The following MACROD2 variants were observed in gnomAD, a reference collection of about 807,000 sequenced individuals.
MACROD2 encodes mono-ADP ribosylhydrolase 2.
In MACROD2, 36 loss-of-function variants were observed where a neutral mutation model predicts 70.4. The observed-to-expected ratio is 0.51, with a 90% confidence interval of 0.39 to 0.68. The LOEUF is 0.68. Ranked by LOEUF, MACROD2 falls within the 30% of genes least tolerant of loss-of-function variation. The probability of loss-of-function intolerance (pLI) is 0.00; values close to 1 mark genes in which losing one functional copy is unlikely to be tolerated. For missense variants in MACROD2, 496 were observed against 538.4 expected (o/e 0.92, Z 0.78); for synonymous variants, 172 against 178.8 (o/e 0.96, Z 0.30).
At chr20:14,299,588 T>C (rs1472548334) in intron 3 of MACROD2, among the ~76,000 whole-genome samples, 2 of 152,118 alleles carry the variant, frequency 1.3e-5, no homozygotes, top group East Asian at 3.9e-4. Flanking sequence ...AAAGCAGTGG[T>C]AGGGTTTGAG....
rs572720042 is a variant in MACROD2 at position 15,870,734 on chromosome 20, G to T, written c.727+7908G>T. On this transcript the variant is annotated intron_variant, in intron 9 of 17. Coordinates refer to ENST00000684519, the MANE Select transcript of MACROD2 (RefSeq NM_001351661.2). ...CTGTTCATTACGTATTACCTAGTCT[G>T]GGGTAGTCTGTAGCAGCACAAAACA... Among the ~76,000 whole-genome samples the T allele has an allele frequency of 2.9e-4, 44 of 152,260 alleles. No homozygotes were observed. In the South Asian group the frequency reaches 5.4e-3, roughly 19 times the overall value.
At chr20:14,855,232 A>T (rs867514525) in intron 5 of MACROD2, among the ~76,000 whole-genome samples, 5 of 152,254 alleles carry the variant, frequency 3.3e-5, no homozygotes, top group Middle Eastern at 3.4e-3. Context: ...GAACTGCAAG[A>T]TTTTACAGCA....
intron 15 of MACROD2, among the ~76,000 whole-genome samples, chr20:16,019,732 ATGAC>A (rs1315574619): frequency 6.6e-6 from 1 of 152,210 alleles, no homozygotes; most frequent in Non-Finnish European, 1.5e-5. Flanking sequence ...AACTGGCTGA[ATGAC>A]AGGCTGTGAG....
intron 3 of MACROD2, among the ~76,000 whole-genome samples, chr20:14,452,947 C>T (rs573914251): frequency 2.0e-5 from 3 of 152,128 alleles, no homozygotes; most frequent in Non-Finnish European, 4.4e-5. Flanking sequence ...TTGCTGCAAT[C>T]TCCTGCAGCA....
chr20:16,039,050 C>T (rs1476040904), intron 15 of MACROD2, among the ~76,000 whole-genome samples: 1 of 151,854 alleles, frequency 6.6e-6, no homozygotes, highest in African/African-American at 2.4e-5. Context: ...AGTTTTGCTC[C>T]CTGCCCCTAG....
chr20:15,915,075 T>C (rs2065293881), intron 10 of MACROD2, among the ~76,000 whole-genome samples: 1 of 152,216 alleles, frequency 6.6e-6, no homozygotes, highest in Admixed American at 6.5e-5. Context: ...TGTCAGTGCA[T>C]TCATCAACAT....
intron 5 of MACROD2, among the ~76,000 whole-genome samples, chr20:15,133,805 C>T (rs2076124380): frequency 6.6e-6 from 1 of 150,732 alleles, no homozygotes; most frequent in South Asian, 2.1e-4. Context: ...TTAAATAACA[C>T]AATATGATGA....
chr20:15,531,053 TA>T, intron 8 of MACROD2, among the ~76,000 whole-genome samples: 1 of 151,412 alleles, frequency 6.6e-6, no homozygotes, highest in Non-Finnish European at 1.5e-5. Flanking sequence ...AGTTAAAGCT[TA>T]TAATTTTAAA....
intron 5 of MACROD2, among the ~76,000 whole-genome samples, chr20:14,946,040 T>C (rs1199190273): frequency 1.3e-5 from 2 of 152,102 alleles, no homozygotes; most frequent in Non-Finnish European, 2.9e-5. Context: ...AAACCCTGTC[T>C]CTACTAAAAT....
chr20:15,131,481 CAG>C (rs1442895560), intron 5 of MACROD2, among the ~76,000 whole-genome samples: 10 of 152,108 alleles, frequency 6.6e-5, no homozygotes, highest in East Asian at 5.8e-4. Context: ...AATGATAAAA[CAG>C]GGGATTACAT....
At chr20:14,681,424 A>G (rs983938739) in intron 4 of MACROD2, among the ~76,000 whole-genome samples, 4 of 152,222 alleles carry the variant, frequency 2.6e-5, no homozygotes, top group Admixed American at 6.5e-5. Flanking sequence ...ACAAATAAAA[A>G]GGAAGAAGTC....
intron 6 of MACROD2, among the ~76,000 whole-genome samples, chr20:15,327,845 A>G (rs1056208362): frequency 1.3e-5 from 2 of 152,096 alleles, no homozygotes; most frequent in Non-Finnish European, 2.9e-5. Context: ...TCAACCTGAG[A>G]TAGCTAAAGT....
At chr20:14,699,934 T>G (rs1204120809) in intron 5 of MACROD2, among the ~76,000 whole-genome samples, 1 of 149,702 alleles carries the variant, frequency 6.7e-6, no homozygotes, top group Non-Finnish European at 1.5e-5. Flanking sequence ...AGTTTAAACT[T>G]TTTAAATCTA....
At chr20:14,497,753 C>T (rs759907041) in intron 4 of MACROD2, among the ~76,000 whole-genome samples, 2 of 151,696 alleles carry the variant, frequency 1.3e-5, no homozygotes, top group African/African-American at 2.4e-5. Context: ...ATCATATATA[C>T]ATACACAGAG....
At chr20:15,650,152 A>G (rs984542834) in intron 8 of MACROD2, among the ~76,000 whole-genome samples, 7 of 152,202 alleles carry the variant, frequency 4.6e-5, no homozygotes, top group African/African-American at 1.4e-4. Context: ...TCTGGTTTGT[A>G]TAAAGGAATT....
intron 5 of MACROD2, among the ~76,000 whole-genome samples, chr20:15,072,050 CAATA>C (rs1324422700): frequency 6.6e-6 from 1 of 152,066 alleles, no homozygotes; most frequent in Non-Finnish European, 1.5e-5. Flanking sequence ...AAAACAAGGA[CAATA>C]AATGATTTCC....
At chr20:15,887,828 A>G (rs1011870092) in intron 10 of MACROD2, among the ~76,000 whole-genome samples, 3 of 152,164 alleles carry the variant, frequency 2.0e-5, no homozygotes, top group African/African-American at 7.2e-5. Flanking sequence ...TAATCAATAT[A>G]AAAATAGTCG....
chr20:14,371,893 C>G (rs1264227152), intron 3 of MACROD2, among the ~76,000 whole-genome samples: 1 of 151,994 alleles, frequency 6.6e-6, no homozygotes, highest in South Asian at 2.1e-4. Context: ...ATCAATTACT[C>G]GAGGGCCTTT....
At chr20:14,671,869 A>G (rs2070799182) in intron 4 of MACROD2, among the ~76,000 whole-genome samples, 1 of 152,204 alleles carries the variant, frequency 6.6e-6, no homozygotes, top group South Asian at 2.1e-4. Context: ...CCTAAAGGAA[A>G]CACTGATGCT....
Sources: allele counts gnomAD v4.1 joint callset (sites outside exome capture counted in the v4.1 genomes callset), GRCh38; gene constraint gnomAD v4.1.1; transcripts MANE v1.5; gene names NCBI Gene and HGNC (gene_info 2026-07-23, HGNC 2026-07-21).